Variants in THSD7A observed in about 807,000 individuals in gnomAD.
The protein encoded by THSD7A is thrombospondin type-1 domain-containing protein 7A.
In THSD7A, 96 loss-of-function variants were observed where a neutral mutation model predicts 231.3. That is an observed-to-expected ratio of 0.41 (90% CI 0.35 to 0.49). The LOEUF is 0.49. THSD7A is among the 20% of genes least tolerant of loss of function. The pLI is 0.05. For missense variants in THSD7A, 2,290 were observed against 2,070.2 expected (o/e 1.11, Z -2.06); for synonymous variants, 940 against 743.3 (o/e 1.26, Z -4.30).
intron 1 of THSD7A, among the ~76,000 whole-genome samples, chr7:11,690,667 A>G (rs1413135243): frequency 1.3e-5 from 2 of 151,762 alleles, no homozygotes; most frequent in Non-Finnish European, 2.9e-5. Flanking sequence ...GATTAGCACC[A>G]TAAAGGCAAT....
rs576489043 is a variant in THSD7A at position 11,758,004 on chromosome 7, T to C, written c.190+73753A>G. ...ACTGTGCTAACATTATATATACATA[T>C]GCATTCATATATATATATATATATA... is the stretch of plus-strand genomic sequence containing the variant. On this transcript the variant is annotated intron_variant, in intron 1 of 27. Coordinates refer to ENST00000423059, the MANE Select transcript of THSD7A (RefSeq NM_015204.3). 1.1e-3 allele frequency among the ~76,000 whole-genome samples: 93 copies of C among 82,784 alleles called. 2 individuals carry two copies. The South Asian group carries it at 0.02, about 18-fold the overall frequency. 54.3% of individuals were successfully genotyped at this position (82,784 alleles called of 152,430 possible).
intron 16 of THSD7A, among the ~76,000 whole-genome samples, chr7:11,418,875 C>T (rs1363269190): frequency 6.6e-6 from 1 of 151,332 alleles, no homozygotes; most frequent in Non-Finnish European, 1.5e-5. Context: ...CAAAAATATG[C>T]AAAGTAGATA....
chr7:11,546,123 C>T (rs998974764), intron 4 of THSD7A, among the ~76,000 whole-genome samples: 4 of 151,924 alleles, frequency 2.6e-5, no homozygotes, highest in African/African-American at 4.8e-5. Context: ...CCAGCATGCT[C>T]CTGCCTGCAG....
At chr7:11,511,057 CT>C (rs533314673) in intron 6 of THSD7A, among the ~76,000 whole-genome samples, 30 of 152,290 alleles carry the variant, frequency 2.0e-4, no homozygotes, top group Non-Finnish European at 3.4e-4. Context: ...CCAAAATCTC[CT>C]TAAGTTGATA....
chr7:11,383,983 A>G (rs543207284), intron 23 of THSD7A: 1 of 152,150 alleles, frequency 6.6e-6, no homozygotes, highest in African/African-American at 2.4e-5. Flanking sequence ...CAGATAAGAG[A>G]ATCCAGCTGT....
intron 4 of THSD7A, among the ~76,000 whole-genome samples, chr7:11,581,040 A>G (rs1791137102): frequency 6.6e-6 from 1 of 152,200 alleles, no homozygotes. Flanking sequence ...CTCTACTGTA[A>G]TTGATGGTCA....
In THSD7A at chr7:11,590,569, G is replaced by A. The variant is rs776774107; in HGVS notation, c.1344C>T (p.Arg448=). ...CTCCACAGAGGGCCGTCTGGTTGCC[G>A]CGCCTCTTGTCCTGCTGACTGAGCA... ...DPLLSQQDKR[R]GNQTALCGGG... The change falls in exon 4 of 28, where the codon CGC becomes CGT. Residue 448 remains arginine (R), a synonymous_variant. Transcript: ENST00000423059. This position sits in a 1 kb window ranked among gnomAD's most constrained non-coding sequence, Gnocchi z 4.4. 27 of 1,613,654 alleles carry A rather than the reference G, an allele frequency of 1.7e-5. No homozygotes were observed. The highest frequency in any genetic ancestry group is 8.0e-5 in the African/African-American group (6 of 74,890).
At chr7:11,543,232 A>G (rs1267791101) in intron 4 of THSD7A, 115 bp from the exon 5 acceptor site, 2 of 833,956 alleles carry the variant, frequency 2.4e-6, no homozygotes, top group East Asian at 2.6e-5. Context: ...TGCTACCAAG[A>G]CATTATTCCA....
chr7:11,650,930 T>C (rs1463362084), intron 1 of THSD7A, among the ~76,000 whole-genome samples: 2 of 152,066 alleles, frequency 1.3e-5, no homozygotes, highest in Non-Finnish European at 2.9e-5. Context: ...GATGTCTGCA[T>C]TTTTATCACA....
intron 6 of THSD7A, among the ~76,000 whole-genome samples, chr7:11,538,556 G>A (rs1205080548): frequency 1.3e-5 from 2 of 152,080 alleles, no homozygotes; most frequent in African/African-American, 2.4e-5. Flanking sequence ...TTAAAATAGG[G>A]CGGGTTTTGG....
At chr7:11,556,918 T>G (rs192330043) in intron 4 of THSD7A, among the ~76,000 whole-genome samples, 1 of 152,062 alleles carries the variant, frequency 6.6e-6, no homozygotes, top group African/African-American at 2.4e-5. Flanking sequence ...ATTTTTATTA[T>G]AATATGTCTT....
intron 4 of THSD7A, among the ~76,000 whole-genome samples, chr7:11,564,459 T>A (rs10255374): frequency 6.6e-6 from 1 of 151,782 alleles, no homozygotes; most frequent in South Asian, 2.1e-4. Flanking sequence ...TTGCCTTCAG[T>A]CTTCACTCTT....
chr7:11,730,942 A>T (rs1474946150), intron 1 of THSD7A, among the ~76,000 whole-genome samples: 1 of 151,430 alleles, frequency 6.6e-6, no homozygotes, highest in Non-Finnish European at 1.5e-5. Context: ...TCAGTTAGCT[A>T]CTCTACTGCA....
chr7:11,821,251 T>C lies in THSD7A; in HGVS notation c.190+10506A>G. 4.4e-6 allele frequency: 5 copies of C among 1,145,800 alleles called. No individual in the cohort carries two copies. In the South Asian group the frequency reaches 6.1e-5, roughly 14 times the overall value. The allele number at this position is 1,145,800 out of a possible 1,614,324, so 71.0% of individuals were successfully genotyped here. A position where few individuals can be genotyped will look rare whatever the true frequency, so the allele number is the denominator to read the frequency against. The stretch of plus-strand genomic sequence containing the variant: ...GGCTAACAGTTCTGAGGGTCTACGC[T>C]GAGACTGAGCTGACTGTATGTGCTG... On this transcript the variant is annotated intron_variant, in intron 1 of 27. Transcript: ENST00000423059.
In THSD7A at chr7:11,446,756, G is replaced by C. The variant is rs1393954834; in HGVS notation, c.2801-432C>G. 6.6e-6 allele frequency among the ~76,000 whole-genome samples: 1 copy of C among 152,122 alleles called. No homozygotes were observed. The highest frequency in any genetic ancestry group is 1.5e-5 in the Non-Finnish European group (1 of 68,010). On this transcript the variant is annotated intron_variant, in intron 12 of 27. Transcript: ENST00000423059. This position sits in a 1 kb window ranked among gnomAD's most constrained non-coding sequence, Gnocchi z 4.0. ...CAAATGCACCAAGCTTTAGTTCAGA[G>C]TGATGGATCCTAATCCTGCTCATTA... is the stretch of plus-strand genomic sequence containing the variant.
intron 1 of THSD7A, among the ~76,000 whole-genome samples, chr7:11,726,988 G>A (rs1781569549): frequency 6.6e-6 from 1 of 151,914 alleles, no homozygotes; most frequent in Non-Finnish European, 1.5e-5. Flanking sequence ...CAAGAGCGAC[G>A]TGATACATGC....
chr7:11,458,164 T>C (rs1055040346), intron 11 of THSD7A, among the ~76,000 whole-genome samples: 1 of 152,130 alleles, frequency 6.6e-6, no homozygotes, highest in Admixed American at 6.6e-5. Flanking sequence ...ACTATATAAT[T>C]ATTTTTGTCA....
chr7:11,476,817 A>AG (rs1786205906), intron 7 of THSD7A, among the ~76,000 whole-genome samples: 2 of 130,470 alleles, frequency 1.5e-5, no homozygotes, highest in African/African-American at 2.9e-5. Context: ...TCCGTCTCAG[A>AG]GAAAAAAAAA....
intron 6 of THSD7A, among the ~76,000 whole-genome samples, chr7:11,488,345 T>TAGACTCC (rs1786748529): frequency 6.6e-6 from 1 of 152,100 alleles, no homozygotes; most frequent in East Asian, 1.9e-4. Flanking sequence ...TGGAGTCTCA[T>TAGACTCC]ATTTGCATGG....
Sources: allele counts gnomAD v4.1 joint callset (sites outside exome capture counted in the v4.1 genomes callset), GRCh38; gene constraint gnomAD v4.1.1; non-coding constraint Gnocchi (gnomAD v3.1); transcripts MANE v1.5; gene names NCBI Gene and HGNC (gene_info 2026-07-23, HGNC 2026-07-21).